The following TRDN variants were observed in gnomAD, a reference collection of about 807,000 sequenced individuals.
TRDN encodes triadin in skeletal muscle.
In TRDN, 161 loss-of-function variants were observed where a neutral mutation model predicts 149.7. The ratio of observed to expected loss-of-function variants is 1.08; its 90% CI spans 0.95 to 1.23. The LOEUF (loss-of-function observed/expected upper bound fraction) is 1.23. Ranked by LOEUF, TRDN falls within the 50% of genes most tolerant of loss-of-function variation. TRDN has a pLI of 0.00. For missense variants in TRDN, 896 were observed against 823.5 expected, an observed-to-expected ratio of 1.09 and a Z score of -1.08; for synonymous variants, 294 against 250.5, an observed-to-expected ratio of 1.17 and a Z score of -1.64.
chr6:123,575,999 C>A (rs541640676), intron 1 of TRDN, among the ~76,000 whole-genome samples: 1 of 152,238 alleles, frequency 6.6e-6, no homozygotes, highest in East Asian at 1.9e-4. Flanking sequence ...TTTTGCATTT[C>A]ACCCTGTGAT....
intron 28 of TRDN, 140 bp downstream of exon 28, chr6:123,273,197 T>C: frequency 2.5e-6 from 2 of 803,114 alleles, no homozygotes; most frequent in Non-Finnish European, 3.7e-6. Context: ...TTTACAAAAT[T>C]TTTGAAACTA....
intron 24 of TRDN, among the ~76,000 whole-genome samples, chr6:123,294,634 C>T (rs1294540530): frequency 2.0e-5 from 3 of 152,116 alleles, no homozygotes; most frequent in African/African-American, 7.2e-5. Context: ...GTTAATCTAA[C>T]AGGAAGTGTA....
At chr6:123,457,336 C>G (rs1776186167) in intron 10 of TRDN, among the ~76,000 whole-genome samples, 1 of 152,198 alleles carries the variant, frequency 6.6e-6, no homozygotes, top group Middle Eastern at 3.4e-3. Flanking sequence ...ATCTTGGCAG[C>G]TGTAGAGGGT....
intron 12 of TRDN, among the ~76,000 whole-genome samples, chr6:123,417,958 A>G (rs1773725663): frequency 6.6e-6 from 1 of 152,178 alleles, no homozygotes; most frequent in South Asian, 2.1e-4. Flanking sequence ...TTCAGCCCTT[A>G]AATCACGTTT....
At chr6:123,289,016 G>GTT (rs1562247004) in intron 24 of TRDN, among the ~76,000 whole-genome samples, 1 of 103,988 alleles carries the variant, frequency 9.6e-6, no homozygotes, top group Non-Finnish European at 2.2e-5. Context: ...AAATGTGGGG[G>GTT]GTGTGTGTGT....
chr6:123,361,824 T>C (rs1049554788), intron 20 of TRDN, among the ~76,000 whole-genome samples: 1 of 152,142 alleles, frequency 6.6e-6, no homozygotes, highest in Non-Finnish European at 1.5e-5. Context: ...TCCTTGTTCT[T>C]TCCCCAAACA....
intron 8 of TRDN, among the ~76,000 whole-genome samples, chr6:123,499,371 G>T (rs1426774660): frequency 1.3e-5 from 2 of 151,912 alleles, no homozygotes; most frequent in Non-Finnish European, 2.9e-5. Flanking sequence ...CTTGTATGTT[G>T]AAATATTATC....
intron 24 of TRDN, among the ~76,000 whole-genome samples, chr6:123,288,878 TC>T (rs906164758): frequency 1.3e-5 from 2 of 151,842 alleles, no homozygotes; most frequent in Non-Finnish European, 2.9e-5. Flanking sequence ...TACAGCAATT[TC>T]ACGTCTGTTA....
rs1030648797 is a variant in TRDN at position 123,316,345 on chromosome 6, G to A, written c.1510+112C>T. On this transcript the variant is annotated intron_variant, in intron 24 of 40. Transcript: ENST00000334268. ...CACATAGCATCAGTATTTTTTTAAT[G>A]TTTTGGATGTCTAAATATTTTATCC... The A allele has an allele frequency of 1.7e-4, 169 of 1,009,734 alleles. No homozygotes were observed. In the East Asian group the frequency reaches 4.2e-3, roughly 25 times the overall value. 62.5% of individuals were successfully genotyped at this position (1,009,734 alleles called of 1,614,324 possible). A position where few individuals can be genotyped will look rare whatever the true frequency, so the allele number is the denominator to read the frequency against.
At chr6:123,539,969 C>G (rs1780744473) in intron 4 of TRDN, among the ~76,000 whole-genome samples, 1 of 152,166 alleles carries the variant, frequency 6.6e-6, no homozygotes, top group South Asian at 2.1e-4. Flanking sequence ...TGTTATTTAG[C>G]AAATCGGAGA....
intron 24 of TRDN, among the ~76,000 whole-genome samples, chr6:123,310,276 A>C (rs1425888936): frequency 6.6e-6 from 1 of 152,068 alleles, no homozygotes; most frequent in African/African-American, 2.4e-5. Context: ...AAAAGTCATA[A>C]CATTAATGGA....
intron 1 of TRDN, among the ~76,000 whole-genome samples, chr6:123,630,633 GA>G (rs1489620949): frequency 5.9e-5 from 9 of 151,744 alleles, no homozygotes; most frequent in African/African-American, 2.2e-4. Flanking sequence ...CTCATAAACG[GA>G]ACATTTTCAT....
At chr6:123,484,902 T>A (rs376272693) in intron 9 of TRDN, among the ~76,000 whole-genome samples, 1 of 152,306 alleles carries the variant, frequency 6.6e-6, no homozygotes, top group East Asian at 1.9e-4. Flanking sequence ...TCCAAAAACC[T>A]GAAGCATTTT....
intron 1 of TRDN, among the ~76,000 whole-genome samples, chr6:123,588,123 T>C (rs1180464875): frequency 6.6e-6 from 1 of 152,058 alleles, no homozygotes; most frequent in Non-Finnish European, 1.5e-5. Flanking sequence ...TCAGTTACTC[T>C]CTCCTGCATC....
intron 23 of TRDN, among the ~76,000 whole-genome samples, chr6:123,328,558 G>A (rs1358471127): frequency 6.6e-6 from 1 of 152,050 alleles, no homozygotes; most frequent in African/African-American, 2.4e-5. Flanking sequence ...TGGGCCTCTA[G>A]TCCCAAGTAC....
chr6:123,433,149 TATATATATATATA>T (rs66746928), intron 12 of TRDN, among the ~76,000 whole-genome samples: 1,956 of 60,470 alleles, frequency 0.032, 53 homozygotes, highest in African/African-American at 0.093. Context: ...CATAAATATA[TATATATATATATA>T]ATATATATAT....
At chr6:123,611,408 A>T (rs2114679659) in intron 1 of TRDN, among the ~76,000 whole-genome samples, 1 of 152,282 alleles carries the variant, frequency 6.6e-6, no homozygotes, top group South Asian at 2.1e-4. Context: ...CTTTACTATT[A>T]TGAATAAATA....
intron 24 of TRDN, among the ~76,000 whole-genome samples, chr6:123,315,230 G>T (rs116436896): frequency 6.6e-6 from 1 of 151,696 alleles, no homozygotes; most frequent in Non-Finnish European, 1.5e-5. Context: ...TTTTTTGTAC[G>T]CAGTTTTTCC....
intron 33 of TRDN, among the ~76,000 whole-genome samples, chr6:123,262,690 T>C: frequency 6.6e-6 from 1 of 152,220 alleles, no homozygotes; most frequent in East Asian, 1.9e-4. Flanking sequence ...TCCAATGGCG[T>C]TTGCTTCCTT....
Sources: gnomAD v4.1 joint callset for allele counts (sites outside exome capture counted in the v4.1 genomes callset) on GRCh38, gnomAD v4.1.1 for gene constraint, MANE v1.5 for transcripts, NCBI Gene and HGNC (gene_info 2026-07-23, HGNC 2026-07-21) for gene names.